Variants in TAFA5 observed in about 807,000 individuals in gnomAD.
TAFA5 encodes chemokine-like protein TAFA-5.
TAFA5 carries 6 observed loss-of-function variants against 15.3 expected under a neutral mutation model. The observed-to-expected ratio is 0.39, with a 90% CI of 0.21 to 0.77. The LOEUF is 0.77. TAFA5 is among the 30% of genes least tolerant of loss of function. The pLI is 0.41. For missense variants in TAFA5, 161 were observed against 193.1 expected, an observed-to-expected ratio of 0.83 and a Z score of 0.98; for synonymous variants, 103 against 80.7, an observed-to-expected ratio of 1.28 and a Z score of -1.48.
intron 1 of TAFA5, among the ~76,000 whole-genome samples, chr22:48,491,496 A>G (rs1321894450): frequency 6.6e-6 from 1 of 152,140 alleles, no homozygotes; most frequent in African/African-American, 2.4e-5. Context: ...AACCCAGGAC[A>G]ACACCTCACC....
At chr22:48,642,130 A>C (rs1262690913) in intron 1 of TAFA5, among the ~76,000 whole-genome samples, 1 of 151,634 alleles carries the variant, frequency 6.6e-6, no homozygotes, top group Non-Finnish European at 1.5e-5. Flanking sequence ...TGAGTGGGGC[A>C]GCCCTGTGAA....
intron 1 of TAFA5, among the ~76,000 whole-genome samples, chr22:48,531,716 C>G (rs930070061): frequency 6.6e-6 from 1 of 152,180 alleles, no homozygotes; most frequent in African/African-American, 2.4e-5. Flanking sequence ...CCACATGCCT[C>G]TTGGGAACAG....
chr22:48,560,420 G>A lies in TAFA5; in HGVS notation c.112+70716G>A, dbSNP rs1451535258. Among the ~76,000 whole-genome samples the A allele has an allele frequency of 6.6e-6, 1 of 152,170 alleles. No homozygotes were observed. Among genetic ancestry groups the A allele is most frequent in the Non-Finnish European group, 1.5e-5 (1 of 68,028 alleles). On this transcript the variant is annotated intron_variant, in intron 1 of 3. Coordinates refer to ENST00000402357, the MANE Select transcript of TAFA5 (RefSeq NM_001082967.3). This position sits in a 1 kb window ranked among gnomAD's most constrained non-coding sequence, Gnocchi z 4.2. ...ACGTGGGATGCCAGGAGCACCAAGG[G>A]TGCAGGTAGGCCATCAGGGCCTGGG...
At position 48,582,810 on chromosome 22, in the gene TAFA5, TACACCAC is replaced by T. The variant is rs1469915131; in HGVS notation, c.113-63775_113-63769del. On this transcript the variant is annotated intron_variant, in intron 1 of 3. Transcript: ENST00000402357. Reference sequence around the variant, plus strand: ...CACACAAAATACACCACACATGAAATACACCACACACCACACACAATAAACCACACAC... The same window carrying T: ...CACACAAAATACACCACACATGAAATACACCACACACAATAAACCACACAC... Among the ~76,000 whole-genome samples, 25 of 61,960 alleles carry T rather than the reference TACACCAC, an allele frequency of 4.0e-4. No individual in the cohort carries two copies. The South Asian group carries it at 0.016, about 41-fold the overall frequency. The allele number at this position is 61,960 out of a possible 152,430, so 40.6% of individuals were successfully genotyped here. A position where few individuals can be genotyped will look rare whatever the true frequency, so the allele number is the denominator to read the frequency against.
chr22:48,521,688 C>T (rs1237473492), intron 1 of TAFA5, among the ~76,000 whole-genome samples: 1 of 152,104 alleles, frequency 6.6e-6, no homozygotes. Context: ...CAGATGGACC[C>T]GATCCGTTAG....
chr22:48,710,777 G>A lies in TAFA5; in HGVS notation c.390+2933G>A, dbSNP rs76158412. 4.8e-3 allele frequency among the ~76,000 whole-genome samples: 727 copies of A among 152,308 alleles called. 9 individuals are homozygous for A. Among genetic ancestry groups the A allele is most frequent in the African/African-American group, 0.016 (677 of 41,562 alleles). ...TTGGGAACAATAGCTGCACCTGTCC[G>A]GTGCTTGGTGTGCTCAGAGAGCCTG... On this transcript the variant is annotated intron_variant, in intron 3 of 3. Transcript: ENST00000402357.
intron 2 of TAFA5, among the ~76,000 whole-genome samples, chr22:48,701,447 C>A (rs902202118): frequency 2.0e-5 from 3 of 152,170 alleles, no homozygotes; most frequent in African/African-American, 7.2e-5. Flanking sequence ...CTCCTGGGAC[C>A]CTGCCTGCCC....
At chr22:48,575,967 G>C (rs958900873) in intron 1 of TAFA5, among the ~76,000 whole-genome samples, 34 of 143,546 alleles carry the variant, frequency 2.4e-4, no homozygotes, top group African/African-American at 8.2e-4. Context: ...GGAAGAGGAG[G>C]AGGAGGAAGG....
chr22:48,578,219 G>C (rs937856917), intron 1 of TAFA5, among the ~76,000 whole-genome samples: 1 of 152,220 alleles, frequency 6.6e-6, no homozygotes, highest in Admixed American at 6.5e-5. Context: ...GCTGCATCCT[G>C]ACACTCTGTG....
rs552410967 is a variant in TAFA5, at chr22:48,595,132, G to A, written c.113-51465G>A. The stretch of plus-strand genomic sequence containing the variant: ...TTAGGCCCCTGAGTGTGGCCCTGCT[G>A]TGCTCGTACCCCTGAGTTTGCAGCC... On this transcript the variant is annotated intron_variant, in intron 1 of 3. Coordinates refer to ENST00000402357, the MANE Select transcript of TAFA5 (RefSeq NM_001082967.3). Among the ~76,000 whole-genome samples the A allele has an allele frequency of 3.3e-4, 50 of 152,284 alleles. 1 individual carries two copies. The highest frequency in any genetic ancestry group is 2.9e-4 in the Non-Finnish European group (20 of 68,006).
chr22:48,621,478 G>A (rs1925836164), intron 1 of TAFA5, among the ~76,000 whole-genome samples: 1 of 152,058 alleles, frequency 6.6e-6, no homozygotes, highest in Non-Finnish European at 1.5e-5. Context: ...GTGCTCATGG[G>A]CACTTCTGCT....
chr22:48,535,577 T>C (rs1922128416), intron 1 of TAFA5, among the ~76,000 whole-genome samples: 1 of 152,072 alleles, frequency 6.6e-6, no homozygotes, highest in African/African-American at 2.4e-5. Context: ...GGTATATGCA[T>C]ATGTGTAGAT....
rs578051575 is a variant in TAFA5, at chr22:48,665,083, C to T, written c.262+18337C>T. On this transcript the variant is annotated intron_variant, in intron 2 of 3. Transcript: ENST00000402357. The stretch of plus-strand genomic sequence containing the variant: ...GTGTGCGTCATGGTCCCTCCAGCAC[C>T]GGCGATGGTCAGTGTGTTTAATTTC... Among the ~76,000 whole-genome samples, 51 of 152,240 alleles carry T rather than the reference C, an allele frequency of 3.3e-4. 1 individual carries two copies. The South Asian group carries it at 9.6e-3, about 29-fold the overall frequency.
intron 2 of TAFA5, among the ~76,000 whole-genome samples, chr22:48,671,153 C>T (rs1927790866): frequency 6.6e-6 from 1 of 152,168 alleles, no homozygotes; most frequent in South Asian, 2.1e-4. Context: ...AAACCTGTGC[C>T]CTCCGTGTCC....
At chr22:48,523,084 G>A (rs1483121181) in intron 1 of TAFA5, among the ~76,000 whole-genome samples, 5 of 152,212 alleles carry the variant, frequency 3.3e-5, no homozygotes, top group Non-Finnish European at 5.9e-5. Flanking sequence ...CTGGATGGGG[G>A]CGGCCAGGGA....
intron 3 of TAFA5, among the ~76,000 whole-genome samples, chr22:48,729,259 ATAAT>A (rs1199204478): frequency 3.5e-4 from 35 of 98,700 alleles, no homozygotes; most frequent in African/African-American, 9.7e-4. Context: ...TAAATATATA[ATAAT>A]TTTATATTTA....
intron 1 of TAFA5, among the ~76,000 whole-genome samples, chr22:48,517,996 C>T (rs1421606884): frequency 2.0e-5 from 3 of 152,172 alleles, no homozygotes; most frequent in Non-Finnish European, 4.4e-5. Context: ...TCCGGGGGCC[C>T]AGGCCCCACG....
chr22:48,751,148 G>C lies in TAFA5; in HGVS notation c.*1301G>C, dbSNP rs1239025686. ...CTGGTCCCTGTATTGGTCAACACTT[G>C]AGCGTACAATATCTTGAACATGCTT... On this transcript the variant is annotated 3_prime_UTR_variant, in exon 4 of 4. Coordinates refer to ENST00000402357, the MANE Select transcript of TAFA5 (RefSeq NM_001082967.3). 1 of 152,316 alleles carries C rather than the reference G, an allele frequency of 6.6e-6. No individual in the cohort carries two copies. The highest frequency in any genetic ancestry group is 1.5e-5 in the Non-Finnish European group (1 of 68,060). The allele number at this position is 152,316 out of a possible 1,614,324, so 9.4% of individuals were successfully genotyped here. A position where few individuals can be genotyped will look rare whatever the true frequency, so the allele number is the denominator to read the frequency against.
At chr22:48,693,099 G>T in intron 2 of TAFA5, 1 of 607,860 alleles carries the variant, frequency 1.6e-6, no homozygotes, top group Non-Finnish European at 2.9e-6. Flanking sequence ...CTTCGACCCT[G>T]TCCGCCCACT....
Sources: gnomAD v4.1 joint callset for allele counts (sites outside exome capture counted in the v4.1 genomes callset) on GRCh38, gnomAD v4.1.1 for gene constraint, Gnocchi (gnomAD v3.1) non-coding constraint, MANE v1.5 for transcripts, NCBI Gene and HGNC (gene_info 2026-07-23, HGNC 2026-07-21) for gene names.